Variants in RBFOX1 observed in about 807,000 individuals in gnomAD.
RBFOX1 encodes RNA binding protein fox-1 homolog 1.
RBFOX1 carries 8 observed loss-of-function variants against 57.7 expected under a neutral mutation model. The ratio of observed to expected loss-of-function variants is 0.14; its 90% CI spans 0.08 to 0.25. The LOEUF (loss-of-function observed/expected upper bound fraction) is 0.25. Among genes scored for constraint, RBFOX1 ranks in the 10% least tolerant of loss-of-function variants. The probability of loss-of-function intolerance (pLI) is 1.00; values close to 1 mark genes in which losing one functional copy is unlikely to be tolerated. For synonymous variants in RBFOX1, 326 were observed against 222.4 expected, an observed-to-expected ratio of 1.47 and a Z score of -4.15; for missense variants, 611 against 548.5, an observed-to-expected ratio of 1.11 and a Z score of -1.14.
chr16:7,004,925 C>G (rs1044071045), intron 3 of RBFOX1, among the ~76,000 whole-genome samples: 13 of 152,164 alleles, frequency 8.5e-5, no homozygotes, highest in African/African-American at 3.1e-4. Flanking sequence ...GGGCCGATCA[C>G]TTGAGGTCAG....
intron 3 of RBFOX1, among the ~76,000 whole-genome samples, chr16:6,722,647 G>A (rs553978889): frequency 7.9e-5 from 12 of 152,174 alleles, no homozygotes; most frequent in African/African-American, 2.9e-4. Context: ...ATATCCAACT[G>A]GAAACCATTT....
intron 2 of RBFOX1, among the ~76,000 whole-genome samples, chr16:5,583,617 G>A (rs551190462): frequency 1.3e-5 from 2 of 152,282 alleles, no homozygotes; most frequent in East Asian, 1.9e-4. Context: ...ACTCCATCAA[G>A]TTGAACTTGT....
intron 4 of RBFOX1, among the ~76,000 whole-genome samples, chr16:7,354,705 C>T (rs572793788): frequency 6.3e-4 from 96 of 152,198 alleles, no homozygotes; most frequent in South Asian, 4.8e-3. Flanking sequence ...ACATACTGTG[C>T]GATATGACGG....
intron 1 of RBFOX1, among the ~76,000 whole-genome samples, chr16:6,210,465 C>T (rs1185527714): frequency 6.6e-6 from 1 of 150,762 alleles, no homozygotes; most frequent in Non-Finnish European, 1.5e-5. Flanking sequence ...CACAGTGGCT[C>T]ACTCCTATAA....
intron 4 of RBFOX1, among the ~76,000 whole-genome samples, chr16:7,435,511 A>C (rs757815986): frequency 6.6e-6 from 1 of 152,202 alleles, no homozygotes; most frequent in Non-Finnish European, 1.5e-5. Flanking sequence ...AGCAGTTGAC[A>C]CTTACGGGTG....
intron 3 of RBFOX1, among the ~76,000 whole-genome samples, chr16:6,706,991 T>G (rs1238958024): frequency 6.6e-6 from 1 of 152,084 alleles, no homozygotes; most frequent in Non-Finnish European, 1.5e-5. Context: ...CTGACAAATG[T>G]GGAACAGCAC....
intron 2 of RBFOX1, among the ~76,000 whole-genome samples, chr16:6,507,507 C>CAAAAAAAAAAA (rs57685233): frequency 8.2e-5 from 8 of 97,154 alleles, no homozygotes; most frequent in Middle Eastern, 6.8e-3. Context: ...CCTATCTGTA[C>CAAAAAAAAAAA]AAAAAAAAAA....
At chr16:6,529,290 C>T (rs772079037) in intron 2 of RBFOX1, among the ~76,000 whole-genome samples, 14 of 152,108 alleles carry the variant, frequency 9.2e-5, no homozygotes, top group South Asian at 2.1e-4. Context: ...TGTCCAGGCA[C>T]GGTGGCTCAT....
intron 3 of RBFOX1, among the ~76,000 whole-genome samples, chr16:7,001,676 C>T (rs2092820023): frequency 6.6e-6 from 1 of 152,028 alleles, no homozygotes; most frequent in Non-Finnish European, 1.5e-5. Context: ...AGGGTGGTCT[C>T]AAACTCCTGA....
intron 2 of RBFOX1, among the ~76,000 whole-genome samples, chr16:5,480,766 A>G (rs1202327371): frequency 6.6e-6 from 1 of 152,220 alleles, no homozygotes; most frequent in Non-Finnish European, 1.5e-5. Flanking sequence ...GATCAGCAGA[A>G]ACAGTTCTGT....
intron 4 of RBFOX1, among the ~76,000 whole-genome samples, chr16:7,411,624 C>A (rs1003402121): frequency 1.3e-5 from 2 of 152,170 alleles, no homozygotes; most frequent in Non-Finnish European, 2.9e-5. Context: ...GAATGTCAGG[C>A]CAGGCGTGGT....
intron 14 of RBFOX1, among the ~76,000 whole-genome samples, chr16:7,687,005 T>C (rs1386315544): frequency 6.6e-6 from 1 of 152,098 alleles, no homozygotes; most frequent in East Asian, 1.9e-4. Flanking sequence ...TCTTTACGAA[T>C]ATCATGTTAG....
chr16:7,280,031 G>T (rs2095510738), intron 4 of RBFOX1, among the ~76,000 whole-genome samples: 1 of 152,200 alleles, frequency 6.6e-6, no homozygotes, highest in South Asian at 2.1e-4. Context: ...TGCTCTGAAG[G>T]TGTTTGGTTC....
intron 4 of RBFOX1, among the ~76,000 whole-genome samples, chr16:7,197,298 G>A (rs1425119723): frequency 2.6e-5 from 4 of 152,172 alleles, no homozygotes; most frequent in Non-Finnish European, 4.4e-5. Context: ...CGTGGTTGAA[G>A]CAGGAAGCGA....
intron 3 of RBFOX1, among the ~76,000 whole-genome samples, chr16:5,810,700 C>T (rs1039308268): frequency 1.3e-5 from 2 of 152,192 alleles, no homozygotes; most frequent in Non-Finnish European, 2.9e-5. Flanking sequence ...ATACAATAAA[C>T]CCAGACTTCC....
intron 2 of RBFOX1, among the ~76,000 whole-genome samples, chr16:6,489,997 A>G (rs77454339): frequency 0.014 from 2,094 of 152,282 alleles, 59 homozygotes; most frequent in African/African-American, 0.047. Flanking sequence ...TGATGCTCTT[A>G]AAATGTTCTA....
chr16:7,709,569 T>C (rs2083579971), intron 15 of RBFOX1: 2 of 1,529,670 alleles, frequency 1.3e-6, no homozygotes, highest in Non-Finnish European at 1.8e-6. Context: ...GTCAGGCAGC[T>C]GAGAATCTGA....
At chr16:5,811,991 T>C (rs1053429326) in intron 3 of RBFOX1, among the ~76,000 whole-genome samples, 1 of 152,194 alleles carries the variant, frequency 6.6e-6, no homozygotes, top group Non-Finnish European at 1.5e-5. Flanking sequence ...CTGATTTCTA[T>C]CTCTAGGAAT....
intron 4 of RBFOX1, among the ~76,000 whole-genome samples, chr16:7,130,889 C>T (rs1055990624): frequency 2.1e-4 from 32 of 152,152 alleles, no homozygotes; most frequent in African/African-American, 6.5e-4. Flanking sequence ...GATGATGAGG[C>T]GACAGTGACA....
Sources: gnomAD v4.1 joint callset for allele counts (sites outside exome capture counted in the v4.1 genomes callset) on GRCh38, gnomAD v4.1.1 for gene constraint, MANE v1.5 for transcripts, NCBI Gene and HGNC (gene_info 2026-07-23, HGNC 2026-07-21) for gene names.